The following UPF3B variants were observed in gnomAD, a reference collection of about 807,000 sequenced individuals.
UPF3B encodes UPF3B regulator of nonsense mediated mRNA decay, also known as regulator of nonsense transcripts 3B.
UPF3B carries 7 observed loss-of-function variants against 40.3 expected under a neutral mutation model. That is an observed-to-expected ratio of 0.17 (90% CI 0.10 to 0.33). UPF3B has a LOEUF of 0.33. Ranked by LOEUF, UPF3B falls within the 10% of genes least tolerant of loss-of-function variation. The pLI is 1.00. For missense variants in UPF3B, 229 were observed against 358.9 expected (o/e 0.64, Z 2.93); for synonymous variants, 117 against 117.3 (o/e 1.00, Z 0.01).
chrX:119,845,251 G>A lies in UPF3B; in HGVS notation c.416C>T (p.Ala139Val). 1 of 1,210,430 alleles carries A rather than the reference G, an allele frequency of 8.3e-7. No homozygotes were observed. The highest frequency in any genetic ancestry group is 1.7e-5 in the African/African-American group (1 of 57,680). Residue 139 changes from alanine (A) to valine (V), a missense_variant, in exon 4 of 11, where the codon GCT becomes GTT. Around this residue, in one of 3 missense-constraint regions of UPF3B, gnomAD observed 87 missense variants for 184.2 expected, o/e 0.47. Coordinates refer to ENST00000276201, the MANE Select transcript of UPF3B (RefSeq NM_080632.3). ...AIVEFAPFQK[A>V]AKKKTKKRDT... The stretch of plus-strand genomic sequence containing the variant: ...TCTTTTCTTAGTCTTCTTTTTTGCA[G>A]CTTTTTGAAAAGGTGCAAATTCTAC...
intron 3 of UPF3B, among the ~76,000 whole-genome samples, chrX:119,826,659 G>C (rs1314515873): frequency 8.9e-6 from 1 of 112,223 alleles, no homozygotes; most frequent in Non-Finnish European, 1.9e-5. Flanking sequence ...AAACAAGTGG[G>C]ATCTATTAGG....
chrX:119,813,559 C>T (rs2055840897), intron 5 of UPF3B, among the ~76,000 whole-genome samples: 2 of 107,013 alleles, frequency 1.9e-5, no homozygotes, highest in Non-Finnish European at 3.9e-5. Flanking sequence ...TTATTTTTTT[C>T]TTTTCTTTTT....
chrX:119,830,025 A>G (rs1377974470), downstream of UPF3B, among the ~76,000 whole-genome samples: 2 of 111,817 alleles, frequency 1.8e-5, no homozygotes, highest in African/African-American at 6.5e-5. Flanking sequence ...CCAGCTGACA[A>G]TCATTCACTT....
intron 6 of UPF3B, among the ~76,000 whole-genome samples, chrX:119,807,026 CT>C (rs1177979292): frequency 3.0e-4 from 12 of 40,477 alleles, no homozygotes; most frequent in Middle Eastern, 0.032. Flanking sequence ...GAGACCCTGT[CT>C]AAAAAAAAAA....
chrX:119,841,666 T>TA, intron 6 of UPF3B, 69 bp downstream of exon 6: 1 of 1,030,832 alleles, frequency 9.7e-7, no homozygotes, highest in South Asian at 1.9e-5. Flanking sequence ...CCAATGCTCT[T>TA]AAAATGTTTA....
At chrX:119,807,424 C>A in intron 6 of UPF3B, 1 of 883,204 alleles carries the variant, frequency 1.1e-6, no homozygotes, top group Non-Finnish European at 1.5e-6. Flanking sequence ...CTAAGGCCAT[C>A]TGGACTTAAC....
chrX:119,841,595 C>T, intron 6 of UPF3B, 140 bp downstream of exon 6: 2 of 656,668 alleles, frequency 3.0e-6, no homozygotes, highest in South Asian at 2.6e-5. Context: ...GAGAGTGAGA[C>T]CAAGAAGGCA....
chrX:119,833,523 T>G (rs945175352), downstream of UPF3B, among the ~76,000 whole-genome samples: 1 of 110,515 alleles, frequency 9.0e-6, no homozygotes, highest in Admixed American at 9.7e-5. Context: ...AAAATTATTT[T>G]AGAGATGGGG....
chrX:119,827,982 T>TA (rs2055996709), intron 3 of UPF3B, among the ~76,000 whole-genome samples: 1 of 111,030 alleles, frequency 9.0e-6, no homozygotes, highest in African/African-American at 3.3e-5. Flanking sequence ...ATGATCCGCC[T>TA]GCCTCGGCCT....
chrX:119,841,883 C>A (rs1569462358), intron 5 of UPF3B, 105 bp from the exon 6 acceptor site: 6 of 587,498 alleles, frequency 1.0e-5, no homozygotes, highest in Non-Finnish European at 1.4e-5. Context: ...AACATGTACA[C>A]CCCTTATGCA....
chrX:119,849,503 AAG>A (rs76336209), intron 3 of UPF3B, among the ~76,000 whole-genome samples: 12 of 101,358 alleles, frequency 1.2e-4, no homozygotes, highest in East Asian at 3.2e-4. Context: ...CAAAAAAAAA[AAG>A]AGAGAGAGAG....
At position 119,837,986 on chromosome X, in the gene UPF3B, C is replaced by T. The variant is rs181034787; in HGVS notation, c.1073G>A (p.Arg358His). 1.1e-4 allele frequency: 129 copies of T among 1,208,592 alleles called. No homozygotes were observed. In the East Asian group the frequency reaches 2.7e-3, roughly 25 times the overall value. ...REREYERDQE[R>H]ILRERERLKR... Reference sequence around the variant, plus strand: ...CAGCCTCTCTCTTTCTCGAAGTATGCGCTCCTGATCTCGTTCATATTCCCG... The same window carrying T: ...CAGCCTCTCTCTTTCTCGAAGTATGTGCTCCTGATCTCGTTCATATTCCCG... The change falls in exon 10 of 11, where the codon CGC becomes CAC. Residue 358 changes from arginine to histidine, a missense_variant. Physicochemically the swap from Arg to His is conservative, Grantham distance 29 (BLOSUM62 0). Transcript: ENST00000276201.
intron 3 of UPF3B, among the ~76,000 whole-genome samples, chrX:119,827,266 C>T (rs936826009): frequency 1.8e-5 from 2 of 111,365 alleles, no homozygotes; most frequent in South Asian, 3.7e-4. Flanking sequence ...TAAATTACCA[C>T]GATCTCCAAT....
rs2056320822 is a variant in UPF3B, at chrX:119,852,937, C to A, written c.-9G>T. 1 of 1,211,032 alleles carries A rather than the reference C, an allele frequency of 8.3e-7. No homozygotes were observed. The highest frequency in any genetic ancestry group is 1.1e-6 in the Non-Finnish European group (1 of 895,431). Reference sequence around the variant, plus strand: ...TCCTTCTCTTCCTTCATGGCTACGTCCCCCGCTGAAGCGGCTTGGCCGGAA... The same window carrying A: ...TCCTTCTCTTCCTTCATGGCTACGTACCCCGCTGAAGCGGCTTGGCCGGAA... On this transcript the variant is annotated 5_prime_UTR_variant, in exon 1 of 11. Transcript: ENST00000276201.
Position 119,835,807 on chromosome X carries a change from C to T in UPF3B, c.1303-780G>A, listed in dbSNP as rs112759714. On this transcript the variant is annotated intron_variant, in intron 10 of 10. Coordinates refer to ENST00000276201, the MANE Select transcript of UPF3B (RefSeq NM_080632.3). ...CCTGAGCAACATAGGGAGACCTCAT[C>T]TCTACAAAAAAACTTAAAAATTAGC... is the stretch of plus-strand genomic sequence containing the variant. 1.4e-3 allele frequency among the ~76,000 whole-genome samples: 160 copies of T among 110,966 alleles called. 1 individual carries two copies. Among genetic ancestry groups the T allele is most frequent in the African/African-American group, 4.9e-3 (150 of 30,543 alleles).
rs780667464 is a variant in UPF3B at position 119,841,828 on chromosome X, C to T, written c.581-50G>A. Reference sequence around the variant, plus strand: ...AATCATACTTATCAACCCCTAGAAACGATTCCATTTTCTGACATTCCCTGC... The same window carrying T: ...AATCATACTTATCAACCCCTAGAAATGATTCCATTTTCTGACATTCCCTGC... On this transcript the variant is annotated intron_variant, in intron 5 of 10. Transcript: ENST00000276201. 4.1e-5 allele frequency: 45 copies of T among 1,091,293 alleles called. 1 individual carries two copies. The highest frequency in any genetic ancestry group is 5.7e-5 in the Non-Finnish European group (45 of 789,330). The allele number at this position is 1,091,293 out of a possible 1,213,427, so 89.9% of individuals were successfully genotyped here.
chrX:119,833,974 T>C (rs990724133), downstream of UPF3B: 152 of 736,106 alleles, frequency 2.1e-4, no homozygotes, highest in Non-Finnish European at 2.4e-4. Flanking sequence ...AAAAATTTAA[T>C]TTCTCAAAAC....
At position 119,834,666 on chromosome X, in the gene UPF3B, T is replaced by C. The variant is rs1603369340; in HGVS notation, c.*212A>G. ...TTTCTGACACTTTAAAATTAATTTG[T>C]AGAAATTGCAAAAGCAATGAAATTG... On this transcript the variant is annotated 3_prime_UTR_variant, in exon 11 of 11. Transcript: ENST00000276201. 9.3e-7 allele frequency: 1 copy of C among 1,077,491 alleles called. No homozygotes were observed. Among genetic ancestry groups the C allele is most frequent in the Non-Finnish European group, 1.2e-6 (1 of 835,767 alleles). 88.8% of individuals were successfully genotyped at this position (1,077,491 alleles called of 1,213,427 possible).
chrX:119,844,977 G>A (rs1436684949), intron 4 of UPF3B, among the ~76,000 whole-genome samples: 1 of 112,474 alleles, frequency 8.9e-6, no homozygotes, highest in African/African-American at 3.2e-5. Flanking sequence ...TTCAATGGTT[G>A]AAGAATGAAA....
Sources: allele counts gnomAD v4.1 joint callset (sites outside exome capture counted in the v4.1 genomes callset), GRCh38; gene constraint gnomAD v4.1.1; regional missense constraint gnomAD v4.1.1; transcripts MANE v1.5; gene names NCBI Gene and HGNC (gene_info 2026-07-23, HGNC 2026-07-21).